The following MAGI2 variants were observed in gnomAD, a reference collection of about 807,000 sequenced individuals.
MAGI2 encodes the protein membrane associated guanylate kinase, WW and PDZ domain containing 2.
In MAGI2, 35 loss-of-function variants were observed where a neutral mutation model predicts 133.3. The ratio of observed to expected loss-of-function variants is 0.26; its 90% confidence interval spans 0.20 to 0.35. The LOEUF is 0.35. MAGI2 is among the 10% of genes least tolerant of loss of function. MAGI2 has a pLI of 1.00. For synonymous variants in MAGI2, 729 were observed against 710.6 expected, an observed-to-expected ratio of 1.03 and a Z score of -0.41; for missense variants, 1,636 against 1,863.4, an observed-to-expected ratio of 0.88 and a Z score of 2.25.
At chr7:79,382,416 C>T (rs1843856950) in intron 1 of MAGI2, among the ~76,000 whole-genome samples, 1 of 151,508 alleles carries the variant, frequency 6.6e-6, no homozygotes, top group Non-Finnish European at 1.5e-5. Context: ...AATCTCATTG[C>T]ATCATAACAT....
chr7:78,333,067 G>A (rs1040363209), intron 9 of MAGI2, among the ~76,000 whole-genome samples: 6 of 152,148 alleles, frequency 3.9e-5, no homozygotes, highest in South Asian at 2.1e-4. Context: ...TATCTAACAC[G>A]ATGTGAGTAT....
chr7:78,690,940 A>C (rs1235782377), intron 2 of MAGI2, among the ~76,000 whole-genome samples: 1 of 152,228 alleles, frequency 6.6e-6, no homozygotes, highest in Non-Finnish European at 1.5e-5. Flanking sequence ...AAGCTGCACT[A>C]AACATGCACA....
intron 21 of MAGI2, among the ~76,000 whole-genome samples, chr7:78,069,222 C>G (rs1163740597): frequency 3.9e-5 from 6 of 152,112 alleles, no homozygotes; most frequent in Non-Finnish European, 8.8e-5. Flanking sequence ...AGGCCATGGA[C>G]AGAAAGAGGA....
chr7:79,031,566 C>A (rs886917392), intron 1 of MAGI2, among the ~76,000 whole-genome samples: 1 of 152,100 alleles, frequency 6.6e-6, no homozygotes, highest in Non-Finnish European at 1.5e-5. Context: ...CTATAAAGGG[C>A]AATTAGCAAG....
intron 1 of MAGI2, among the ~76,000 whole-genome samples, chr7:79,384,680 T>G (rs1844052692): frequency 6.6e-6 from 1 of 151,682 alleles, no homozygotes; most frequent in Admixed American, 6.6e-5. Context: ...ATATATTAAA[T>G]AGGTAAAATT....
At chr7:79,127,069 T>C (rs13239166) in intron 1 of MAGI2, among the ~76,000 whole-genome samples, 12 of 151,922 alleles carry the variant, frequency 7.9e-5, no homozygotes, top group Admixed American at 1.3e-4. Context: ...TTTGTCCTTG[T>C]GATAGTTTGC....
rs537414528 is a variant in MAGI2 at position 79,040,078 on chromosome 7, G to A, written c.302-32872C>T. On this transcript the variant is annotated intron_variant, in intron 1 of 21. Transcript: ENST00000354212. ...AATTTCATCTTGAATTGTAATCTTC[G>A]CAATCCCTATAGGTCAAGGGAGAGA... is the stretch of plus-strand genomic sequence containing the variant. 3.8e-4 allele frequency among the ~76,000 whole-genome samples: 57 copies of A among 151,816 alleles called. No individual in the cohort carries two copies. The East Asian group carries it at 5.3e-3, about 14-fold the overall frequency.
intron 2 of MAGI2, among the ~76,000 whole-genome samples, chr7:78,671,558 T>C (rs1360788767): frequency 6.6e-6 from 1 of 152,134 alleles, no homozygotes; most frequent in Non-Finnish European, 1.5e-5. Context: ...TGCTTCTTTT[T>C]TCGAGCCAGC....
At chr7:78,555,911 C>T (rs1433813680) in intron 3 of MAGI2, among the ~76,000 whole-genome samples, 2 of 152,114 alleles carry the variant, frequency 1.3e-5, no homozygotes, top group African/African-American at 2.4e-5. Context: ...GGACTGAAGT[C>T]TCAAATACTA....
At chr7:78,485,626 T>C (rs1792915614) in intron 6 of MAGI2, 2 of 152,020 alleles carry the variant, frequency 1.3e-5, no homozygotes, top group South Asian at 2.1e-4. Flanking sequence ...TCCTCTTATA[T>C]TAATTTAACA....
rs146480180 is a variant in MAGI2 at position 78,503,588 on chromosome 7, C to A, written c.755-1801G>T. Among the ~76,000 whole-genome samples, 3 of 81,438 alleles carry A rather than the reference C, an allele frequency of 3.7e-5. 1 individual carries two copies. Among genetic ancestry groups the A allele is most frequent in the Non-Finnish European group, 7.0e-5 (3 of 42,650 alleles). The allele number at this position is 81,438 out of a possible 152,430, so 53.4% of individuals were successfully genotyped here. The stretch of plus-strand genomic sequence containing the variant: ...TCCCCCTCCTCCTCCCCCTCCTCCT[C>A]CTCCCCCTCCTCCTTCTCCCCCTCC... On this transcript the variant is annotated intron_variant, in intron 4 of 21. Transcript: ENST00000354212.
chr7:78,916,032 C>T (rs995207112), intron 2 of MAGI2, among the ~76,000 whole-genome samples: 8 of 152,038 alleles, frequency 5.3e-5, no homozygotes, highest in Non-Finnish European at 1.2e-4. Flanking sequence ...ATGGATTATG[C>T]ATAATCCTTG....
At chr7:78,201,854 C>A (rs1829286027) in intron 10 of MAGI2, among the ~76,000 whole-genome samples, 1 of 152,142 alleles carries the variant, frequency 6.6e-6, no homozygotes, top group African/African-American at 2.4e-5. Flanking sequence ...GTATTGATCT[C>A]TTTGTATTAT....
At chr7:78,133,144 T>A in intron 17 of MAGI2, 84 bp from the exon 18 acceptor site, 1 of 1,075,064 alleles carries the variant, frequency 9.3e-7, no homozygotes, top group Non-Finnish European at 1.3e-6. Context: ...TGACTTTGCC[T>A]CTGCTGATGG....
At chr7:78,500,626 A>G (rs996941478) in intron 5 of MAGI2, among the ~76,000 whole-genome samples, 2 of 152,232 alleles carry the variant, frequency 1.3e-5, no homozygotes, top group African/African-American at 4.8e-5. Flanking sequence ...CCTAAAAGAA[A>G]GATTAGGTTG....
intron 9 of MAGI2, among the ~76,000 whole-genome samples, chr7:78,328,549 T>TCTTA (rs561945263): frequency 3.2e-4 from 11 of 34,702 alleles, no homozygotes; most frequent in South Asian, 2.1e-3. Context: ...CTCTCTCTCT[T>TCTTA]ACTTTATTCT....
At chr7:78,391,594 G>T (rs956425992) in intron 6 of MAGI2, among the ~76,000 whole-genome samples, 1 of 152,162 alleles carries the variant, frequency 6.6e-6, no homozygotes, top group African/African-American at 2.4e-5. Flanking sequence ...AGGGCATTTT[G>T]CAAATTAATT....
At chr7:78,102,921 C>G (rs1475365028) in intron 20 of MAGI2, among the ~76,000 whole-genome samples, 1 of 152,138 alleles carries the variant, frequency 6.6e-6, no homozygotes, top group African/African-American at 2.4e-5. Context: ...CATACCTACC[C>G]GGGGGGATTC....
chr7:78,959,627 G>C (rs184120800), intron 2 of MAGI2, among the ~76,000 whole-genome samples: 34 of 152,172 alleles, frequency 2.2e-4, no homozygotes, highest in African/African-American at 8.0e-4. Flanking sequence ...TTTACTTAGG[G>C]AATCATTGAT....
Sources: allele counts gnomAD v4.1 joint callset (sites outside exome capture counted in the v4.1 genomes callset), GRCh38; gene constraint gnomAD v4.1.1; transcripts MANE v1.5; gene names NCBI Gene and HGNC (gene_info 2026-07-23, HGNC 2026-07-21).